The following LRRC37A2 variants were observed in gnomAD, a reference collection of about 807,000 sequenced individuals.
The protein encoded by LRRC37A2 is leucine-rich repeat-containing protein 37A2.
In LRRC37A2, 9 loss-of-function variants were observed where a neutral mutation model predicts 68.8. The ratio of observed to expected loss-of-function variants is 0.13; its 90% confidence interval spans 0.08 to 0.23. The LOEUF is 0.23. Ranked by LOEUF, LRRC37A2 falls within the 10% of genes least tolerant of loss-of-function variation. The pLI is 1.00. For synonymous variants in LRRC37A2, 63 were observed against 367.6 expected (o/e 0.17, Z 9.48); for missense variants, 168 against 950.4 (o/e 0.18, Z 10.82).
the LRRC37A2 span, among the ~76,000 whole-genome samples, chr17:46,790,479 T>C: frequency 6.6e-6 from 1 of 152,088 alleles, no homozygotes; most frequent in Non-Finnish European, 1.5e-5. Flanking sequence ...TGAGAAGCAC[T>C]GCCCTAGGTC....
chr17:46,724,385 C>T, the LRRC37A2 span, among the ~76,000 whole-genome samples: 5 of 152,154 alleles, frequency 3.3e-5, no homozygotes, highest in Non-Finnish European at 5.9e-5. Context: ...TATATTTTCT[C>T]AGAGACTCAA....
chr17:46,915,635 C>T, the LRRC37A2 span, among the ~76,000 whole-genome samples: 1 of 152,236 alleles, frequency 6.6e-6, no homozygotes, highest in African/African-American at 2.4e-5. Context: ...GGACCCCACA[C>T]TTTTGAGTGC....
At chr17:46,454,210 TAGCTC>T in the LRRC37A2 span, among the ~76,000 whole-genome samples, 1 of 105,978 alleles carries the variant, frequency 9.4e-6, no homozygotes, top group Admixed American at 9.4e-5. Context: ...GTATTTAAAT[TAGCTC>T]AGCTATGAGA....
At chr17:46,455,681 C>T in the LRRC37A2 span, among the ~76,000 whole-genome samples, 1 of 145,104 alleles carries the variant, frequency 6.9e-6, no homozygotes, top group Non-Finnish European at 1.5e-5. Flanking sequence ...ATTTATATTG[C>T]ATTTTCAGAA....
chr17:46,718,337 A>T, the LRRC37A2 span, among the ~76,000 whole-genome samples: 6 of 148,232 alleles, frequency 4.0e-5, no homozygotes, highest in East Asian at 3.9e-4. Context: ...AAAGCTGATT[A>T]AAAAAAAAAA....
chr17:46,977,541 T>G, the LRRC37A2 span, among the ~76,000 whole-genome samples: 2 of 152,204 alleles, frequency 1.3e-5, no homozygotes, highest in African/African-American at 2.4e-5. Context: ...GCAGGAGGCG[T>G]GGGTTTCTGG....
At chr17:46,992,259 G>A in the LRRC37A2 span, among the ~76,000 whole-genome samples, 2 of 140,672 alleles carry the variant, frequency 1.4e-5, no homozygotes, top group Non-Finnish European at 3.2e-5. Context: ...TCCCAGCTAT[G>A]TGGGAAGCCG....
the LRRC37A2 span, chr17:46,937,693 T>A: frequency 6.6e-6 from 1 of 152,244 alleles, no homozygotes; most frequent in Non-Finnish European, 1.5e-5. Flanking sequence ...GCTACTCTTT[T>A]CTATGTGGCT....
the LRRC37A2 span, among the ~76,000 whole-genome samples, chr17:46,785,100 T>TG: frequency 6.6e-6 from 1 of 152,162 alleles, no homozygotes; most frequent in African/African-American, 2.4e-5. Flanking sequence ...TTTCTTATGA[T>TG]GCATCCTAAG....
chr17:46,932,309 TGAG>T, the LRRC37A2 span: 5 of 1,254,886 alleles, frequency 4.0e-6, no homozygotes, highest in Non-Finnish European at 5.8e-6. Context: ...AGACTGATGA[TGAG>T]GAAACCAACT....
At chr17:46,955,227 G>C in the LRRC37A2 span, among the ~76,000 whole-genome samples, 6 of 149,006 alleles carry the variant, frequency 4.0e-5, no homozygotes, top group African/African-American at 5.0e-5. Context: ...TAGCATGAAG[G>C]GTTGTTGAAT....
the LRRC37A2 span, among the ~76,000 whole-genome samples, chr17:47,015,562 G>A: frequency 1.9e-3 from 291 of 152,152 alleles, 1 homozygote; most frequent in African/African-American, 6.4e-3. Flanking sequence ...AGCTCCTCAC[G>A]TGGCAAGCAA....
At chr17:46,843,580 T>C in the LRRC37A2 span, among the ~76,000 whole-genome samples, 2 of 152,372 alleles carry the variant, frequency 1.3e-5, no homozygotes, top group South Asian at 4.1e-4. Flanking sequence ...TTCTCTTTAC[T>C]GCTGCACAGT....
At chr17:46,949,287 C>G in the LRRC37A2 span, 1 of 152,364 alleles carries the variant, frequency 6.6e-6, no homozygotes, top group African/African-American at 2.4e-5. Context: ...TCTGGAACAC[C>G]TGCACACGGC....
the LRRC37A2 span, among the ~76,000 whole-genome samples, chr17:46,859,836 T>C: frequency 6.6e-6 from 1 of 152,246 alleles, no homozygotes; most frequent in African/African-American, 2.4e-5. Context: ...AGGCCATATC[T>C]TTCTATTTAG....
At chr17:46,880,157 T>A in the LRRC37A2 span, among the ~76,000 whole-genome samples, 2 of 152,200 alleles carry the variant, frequency 1.3e-5, no homozygotes, top group Non-Finnish European at 1.5e-5. Flanking sequence ...GTGCCCCCGT[T>A]GCTCATGGAT....
the LRRC37A2 span, among the ~76,000 whole-genome samples, chr17:46,786,328 C>T: frequency 3.3e-5 from 5 of 152,188 alleles, no homozygotes; most frequent in Non-Finnish European, 5.9e-5. Context: ...GCAGCCCCAG[C>T]CCATCCTCCC....
At chr17:46,788,133 G>A in the LRRC37A2 span, among the ~76,000 whole-genome samples, 4 of 152,120 alleles carry the variant, frequency 2.6e-5, no homozygotes, top group East Asian at 5.8e-4. Context: ...GGTGACATTC[G>A]AGCTGGGCCT....
chr17:46,978,389 C>CA, the LRRC37A2 span: 3 of 372,972 alleles, frequency 8.0e-6, no homozygotes, highest in Admixed American at 9.0e-5. Flanking sequence ...AAAAAACAAA[C>CA]AAACAAAAAA....
Sources: allele counts gnomAD v4.1 joint callset (sites outside exome capture counted in the v4.1 genomes callset), GRCh38; gene constraint gnomAD v4.1.1; transcripts MANE v1.5; gene names NCBI Gene and HGNC (gene_info 2026-07-23, HGNC 2026-07-21).